Variants in FAM184B observed in about 807,000 individuals in gnomAD.
FAM184B encodes the protein protein FAM184B.
In FAM184B, 111 loss-of-function variants were observed where a neutral mutation model predicts 135.9. The observed-to-expected ratio is 0.82, with a 90% CI of 0.70 to 0.96. The LOEUF (loss-of-function observed/expected upper bound fraction) is 0.96. Among genes scored for constraint, FAM184B ranks in the 40% least tolerant of loss-of-function variants. The pLI, the probability that FAM184B is intolerant of heterozygous loss-of-function variation, is 0.00. For missense variants in FAM184B, 1,375 were observed against 1,323.9 expected (o/e 1.04, Z -0.60); for synonymous variants, 552 against 524.8 (o/e 1.05, Z -0.71).
At chr4:17,706,636 T>A (rs1717123429) in intron 3 of FAM184B, among the ~76,000 whole-genome samples, 1 of 152,208 alleles carries the variant, frequency 6.6e-6, no homozygotes. Flanking sequence ...ACTTATCTTT[T>A]CTTGGTCTCA....
intron 7 of FAM184B, among the ~76,000 whole-genome samples, chr4:17,670,036 C>A (rs1293769811): frequency 6.6e-6 from 1 of 152,132 alleles, no homozygotes; most frequent in Non-Finnish European, 1.5e-5. Flanking sequence ...ACCCAGTGCT[C>A]ACATTTTACA....
At chr4:17,765,451 G>A (rs993516284) in intron 1 of FAM184B, among the ~76,000 whole-genome samples, 1 of 151,912 alleles carries the variant, frequency 6.6e-6, no homozygotes, top group African/African-American at 2.4e-5. Flanking sequence ...GACAAACTGG[G>A]ATCAACAAAG....
At chr4:17,676,986 G>T (rs1716324782) in intron 7 of FAM184B, among the ~76,000 whole-genome samples, 1 of 152,164 alleles carries the variant, frequency 6.6e-6, no homozygotes. Flanking sequence ...TCGTCATTAA[G>T]TGACACACAA....
chr4:17,756,133 G>T (rs557149346), intron 1 of FAM184B, among the ~76,000 whole-genome samples: 188 of 152,278 alleles, frequency 1.2e-3, no homozygotes, highest in African/African-American at 4.3e-3. Context: ...TAAATTGGGG[G>T]TCTCTAAATA....
chr4:17,752,797 G>A (rs1041758738), intron 1 of FAM184B, among the ~76,000 whole-genome samples: 3 of 152,156 alleles, frequency 2.0e-5, no homozygotes, highest in Non-Finnish European at 2.9e-5. Flanking sequence ...TAATATCATC[G>A]CTGAAAAAGC....
chr4:17,673,769 G>T (rs1716247479), intron 7 of FAM184B, among the ~76,000 whole-genome samples: 1 of 152,072 alleles, frequency 6.6e-6, no homozygotes, highest in South Asian at 2.1e-4. Context: ...CAGGAGGAAA[G>T]GTTGGGAAGG....
intron 7 of FAM184B, among the ~76,000 whole-genome samples, chr4:17,669,961 CT>C (rs985266891): frequency 2.6e-5 from 4 of 152,128 alleles, no homozygotes; most frequent in African/African-American, 9.7e-5. Flanking sequence ...AGAATATATG[CT>C]TTTTTTCCTA....
intron 1 of FAM184B, among the ~76,000 whole-genome samples, chr4:17,735,601 T>C (rs906136049): frequency 2.0e-5 from 3 of 151,452 alleles, no homozygotes; most frequent in Admixed American, 2.0e-4. Context: ...TCATTGGCAT[T>C]TTTTTTCATA....
chr4:17,660,912 G>A (rs2108942587), intron 8 of FAM184B, among the ~76,000 whole-genome samples: 2 of 152,236 alleles, frequency 1.3e-5, no homozygotes, highest in Admixed American at 1.3e-4. Flanking sequence ...CGGGCTGTGA[G>A]AAAAGGCCAT....
At chr4:17,634,305 C>A (rs1715059030) in intron 16 of FAM184B, among the ~76,000 whole-genome samples, 2 of 152,134 alleles carry the variant, frequency 1.3e-5, no homozygotes, top group Non-Finnish European at 2.9e-5. Context: ...AGTGTATTGT[C>A]CTGTGAACTA....
intron 1 of FAM184B, among the ~76,000 whole-genome samples, chr4:17,712,302 G>C (rs11930481): frequency 0.032 from 4,892 of 152,230 alleles, 159 homozygotes; most frequent in African/African-American, 0.083. Context: ...TGGAGATAAG[G>C]GGGTCAAAGA....
intron 1 of FAM184B, among the ~76,000 whole-genome samples, chr4:17,754,208 T>G (rs923293888): frequency 2.0e-5 from 3 of 152,124 alleles, no homozygotes; most frequent in African/African-American, 7.2e-5. Context: ...CACACACTCA[T>G]GCACACATGC....
chr4:17,715,589 G>C (rs1305201106), intron 1 of FAM184B, among the ~76,000 whole-genome samples: 1 of 152,118 alleles, frequency 6.6e-6, no homozygotes, highest in Non-Finnish European at 1.5e-5. Context: ...AGTGACTGTA[G>C]TTAATAACAA....
Position 17,676,549 on chromosome 4 carries a change from G to A in FAM184B, c.1596+11875C>T, listed in dbSNP as rs369977162. On this transcript the variant is annotated intron_variant, in intron 7 of 17. Coordinates refer to ENST00000265018, the MANE Select transcript of FAM184B (RefSeq NM_015688.2). ...CACACTTAATAGACTGTAGTATAGT[G>A]TAAACATAACTTTTACATGTATTGG... is the stretch of plus-strand genomic sequence containing the variant. 9.9e-5 allele frequency among the ~76,000 whole-genome samples: 15 copies of A among 152,266 alleles called. No individual in the cohort carries two copies. In the East Asian group the frequency reaches 2.9e-3, roughly 29 times the overall value.
chr4:17,675,368 G>A (rs1196536974), intron 7 of FAM184B, among the ~76,000 whole-genome samples: 1 of 152,108 alleles, frequency 6.6e-6, no homozygotes, highest in Non-Finnish European at 1.5e-5. Flanking sequence ...TGAGCAGTAA[G>A]TCTCAACACT....
chr4:17,653,943 C>T (rs752039464), intron 10 of FAM184B, among the ~76,000 whole-genome samples: 91 of 858 alleles, frequency 0.11, no homozygotes, highest in Non-Finnish European at 0.2. Flanking sequence ...GGATTTGAAG[C>T]TGCTACACTT....
Position 17,709,528 on chromosome 4 carries a change from C to A in FAM184B, c.258G>T (p.Leu86=). 6.4e-7 allele frequency: 1 copy of A among 1,551,072 alleles called. No homozygotes were observed. Among genetic ancestry groups the A allele is most frequent in the Non-Finnish European group, 8.7e-7 (1 of 1,146,962 alleles). Residue 86 remains leucine, a synonymous_variant, in exon 2 of 18, where the codon CTG becomes CTT. Coordinates refer to ENST00000265018, the MANE Select transcript of FAM184B (RefSeq NM_015688.2). ...CCTCCTCTGCGCAGCCCTGTTCCTG[C>A]AGGAGCCTGGCCTTGGTCTCTGCCA... is the stretch of plus-strand genomic sequence containing the variant. ...NAVAETKARL[L]QEQGCAEEEA...
chr4:17,688,425 T>G lies in FAM184B; in HGVS notation c.1595A>C (p.Gln532Pro). The change falls in exon 7 of 18, where the codon CAG becomes CCG. Residue 532 changes from glutamine to proline, a missense_variant and splice_region_variant. Transcript: ENST00000265018. Reference sequence around the variant, plus strand: ...AAATCTGACAAAGCTGGAGGTTACCTGGGTCTCCAGAATGCTGCAGTGCTG... The same window carrying G: ...AAATCTGACAAAGCTGGAGGTTACCGGGGTCTCCAGAATGCTGCAGTGCTG... ...GRQHCSILET[Q>P]DPCLKLDETS... The G allele has an allele frequency of 6.5e-7, 1 of 1,546,466 alleles. No individual in the cohort carries two copies. The highest frequency in any genetic ancestry group is 1.7e-4 in the Middle Eastern group (1 of 5,960).
chr4:17,673,678 A>G (rs1473666213), intron 7 of FAM184B, among the ~76,000 whole-genome samples: 1 of 152,224 alleles, frequency 6.6e-6, no homozygotes, highest in Non-Finnish European at 1.5e-5. Context: ...AAAACCAAAC[A>G]TCATATGTTC....
Sources: allele counts gnomAD v4.1 joint callset (sites outside exome capture counted in the v4.1 genomes callset), GRCh38; gene constraint gnomAD v4.1.1; transcripts MANE v1.5; gene names NCBI Gene and HGNC (gene_info 2026-07-23, HGNC 2026-07-21).